The following RORA variants were observed in gnomAD, a reference collection of about 807,000 sequenced individuals.
RORA encodes RAR related orphan receptor A.
In RORA, 7 loss-of-function variants were observed where a neutral mutation model predicts 69.5. The ratio of observed to expected loss-of-function variants is 0.10; its 90% confidence interval spans 0.06 to 0.19. RORA has a LOEUF of 0.19. Ranked by LOEUF, RORA falls within the 10% of genes least tolerant of loss-of-function variation. RORA has a pLI of 1.00. For synonymous variants in RORA, 261 were observed against 240.8 expected, an observed-to-expected ratio of 1.08 and a Z score of -0.78; for missense variants, 457 against 663.0, an observed-to-expected ratio of 0.69 and a Z score of 3.41.
chr15:60,520,495 T>C (rs2066128261), intron 3 of RORA, among the ~76,000 whole-genome samples: 1 of 151,960 alleles, frequency 6.6e-6, no homozygotes, highest in Admixed American at 6.6e-5. Flanking sequence ...GGAAGAAGGA[T>C]TAGAAAGAGG....
intron 1 of RORA, among the ~76,000 whole-genome samples, chr15:60,843,645 A>G (rs1414823318): frequency 2.0e-5 from 3 of 152,072 alleles, no homozygotes; most frequent in Non-Finnish European, 4.4e-5. Flanking sequence ...TTCAAGATTC[A>G]CACTCTGACC....
chr15:61,095,353 CT>C lies in RORA; in HGVS notation c.166+133699del, dbSNP rs538675431. On this transcript the variant is annotated intron_variant, in intron 1 of 10. Coordinates refer to ENST00000335670, the MANE Select transcript of RORA (RefSeq NM_134261.3). ...AAAATATATTTTTTAAAATACCTAT[CT>C]TTTAAAAAAGACAATGCCTTTTAAA... Among the ~76,000 whole-genome samples, 410 of 152,186 alleles carry C rather than the reference CT, an allele frequency of 2.7e-3. 1 individual carries two copies. The highest frequency in any genetic ancestry group is 9.2e-3 in the African/African-American group (380 of 41,530).
intron 1 of RORA, among the ~76,000 whole-genome samples, chr15:60,752,366 C>A (rs964399936): frequency 6.6e-6 from 1 of 152,076 alleles, no homozygotes; most frequent in Non-Finnish European, 1.5e-5. Flanking sequence ...AGCGCAGGGA[C>A]GTGTGAAAGG....
In RORA at chr15:60,672,494, T is replaced by G; in HGVS notation, c.196+6163A>C. On this transcript the variant is annotated intron_variant, in intron 2 of 10. Transcript: ENST00000335670. ...GCAGTAAAGATAAATAAATGAACAC[T>G]TAGAAAGTGCTTAGAGAAGTGCCTA... Among the ~76,000 whole-genome samples the G allele has an allele frequency of 1.3e-5, 2 of 152,124 alleles. 1 individual carries two copies. Among genetic ancestry groups the G allele is most frequent in the Non-Finnish European group, 2.9e-5 (2 of 68,036 alleles).
Position 60,711,196 on chromosome 15 carries a change from G to C in RORA, c.167-32510C>G, listed in dbSNP as rs374773407. 2.0e-4 allele frequency among the ~76,000 whole-genome samples: 30 copies of C among 152,188 alleles called. No individual in the cohort carries two copies. In the East Asian group the frequency reaches 3.5e-3, roughly 18 times the overall value. On this transcript the variant is annotated intron_variant, in intron 1 of 10. Transcript: ENST00000335670. ...TTGAGTAACTCCCAACACAGTCTCC[G>C]TGCCCTCAAGGCTATGTGTATTTCT...
intron 1 of RORA, among the ~76,000 whole-genome samples, chr15:61,188,238 T>C: frequency 6.6e-6 from 1 of 152,104 alleles, no homozygotes; most frequent in East Asian, 1.9e-4. Flanking sequence ...GAATCGTCTT[T>C]GCGGGCCAAA....
intron 2 of RORA, among the ~76,000 whole-genome samples, chr15:60,674,289 A>G (rs765794192): frequency 9.2e-5 from 14 of 152,172 alleles, no homozygotes; most frequent in Non-Finnish European, 2.1e-4. Context: ...GTATGGCCTC[A>G]AGGATAGGAA....
Position 61,110,251 on chromosome 15 carries a change from C to T in RORA, c.166+118802G>A, listed in dbSNP as rs536257244. Among the ~76,000 whole-genome samples the T allele has an allele frequency of 5.3e-5, 8 of 152,184 alleles. No individual in the cohort carries two copies. The South Asian group carries it at 1.2e-3, about 24-fold the overall frequency. On this transcript the variant is annotated intron_variant, in intron 1 of 10. Coordinates refer to ENST00000335670, the MANE Select transcript of RORA (RefSeq NM_134261.3). ...CCTCTACTAAAAATACAAAAATTAG[C>T]GGGGCATGGTGGTGCACACCTGTAG...
At chr15:61,120,783 A>C (rs941966769) in intron 1 of RORA, among the ~76,000 whole-genome samples, 2 of 151,576 alleles carry the variant, frequency 1.3e-5, no homozygotes, top group African/African-American at 4.8e-5. Context: ...TCCACTATAT[A>C]CTACGGAGAA....
In RORA at chr15:60,778,054, A is replaced by G. The variant is rs147724361; in HGVS notation, c.167-99368T>C. Among the ~76,000 whole-genome samples, 5 of 152,314 alleles carry G rather than the reference A, an allele frequency of 3.3e-5. No individual in the cohort carries two copies. In the East Asian group the frequency reaches 9.7e-4, roughly 29 times the overall value. On this transcript the variant is annotated intron_variant, in intron 1 of 10. Transcript: ENST00000335670. ...TCAATTGACTTAAAACTCAAGCTAT[A>G]GCCTCCGGCAAGAAAAATGTAACAC...
chr15:60,593,023 C>T (rs1352166274), intron 2 of RORA: 4 of 445,974 alleles, frequency 9.0e-6, no homozygotes, highest in East Asian at 1.5e-4. Context: ...CTAGAGTGCC[C>T]CAGCTCTAAT....
intron 2 of RORA, among the ~76,000 whole-genome samples, chr15:60,660,433 A>G (rs2070286903): frequency 6.6e-6 from 1 of 152,248 alleles, no homozygotes; most frequent in Non-Finnish European, 1.5e-5. Context: ...GACAGACTTT[A>G]GCAGCTTTTA....
intron 3 of RORA, among the ~76,000 whole-genome samples, chr15:60,521,138 A>G (rs1193325869): frequency 6.6e-6 from 1 of 152,210 alleles, no homozygotes; most frequent in African/African-American, 2.4e-5. Context: ...ATATCAAACC[A>G]GAACTATATA....
Position 60,597,617 on chromosome 15 carries a change from TAC to T in RORA, c.197-65768_197-65767del, listed in dbSNP as rs1555436026. On this transcript the variant is annotated intron_variant, in intron 2 of 10. Transcript: ENST00000335670. ...ATACACATATATATATATATATATA[TAC>T]ATACATATATATACATATATATATA... Among the ~76,000 whole-genome samples, 295 of 43,222 alleles carry T rather than the reference TAC, an allele frequency of 6.8e-3. 4 individuals are homozygous for T. The highest frequency in any genetic ancestry group is 0.018 in the African/African-American group (145 of 8,052). 28.4% of individuals were successfully genotyped at this position (43,222 alleles called of 152,430 possible).
intron 2 of RORA, among the ~76,000 whole-genome samples, chr15:60,544,600 G>A (rs533174442): frequency 3.9e-5 from 6 of 152,122 alleles, no homozygotes; most frequent in South Asian, 2.1e-4. Context: ...ATGCTAATAC[G>A]CTGTTGATGT....
At chr15:60,763,332 T>C (rs959858167) in intron 1 of RORA, among the ~76,000 whole-genome samples, 9 of 152,136 alleles carry the variant, frequency 5.9e-5, no homozygotes, top group Non-Finnish European at 1.3e-4. Context: ...AACATGGTCT[T>C]GGGTTAACCG....
chr15:60,675,894 G>A (rs180900477), intron 2 of RORA, among the ~76,000 whole-genome samples: 7 of 152,188 alleles, frequency 4.6e-5, no homozygotes, highest in Middle Eastern at 3.4e-3. Context: ...CAATCTCTCC[G>A]TGAGGGCAGT....
intron 1 of RORA, among the ~76,000 whole-genome samples, chr15:60,842,643 C>T (rs1276145017): frequency 1.3e-5 from 2 of 152,118 alleles, no homozygotes; most frequent in East Asian, 3.9e-4. Context: ...GCTCTTGACC[C>T]CTTCACTGCC....
chr15:61,054,209 T>A (rs1337211878), intron 1 of RORA, among the ~76,000 whole-genome samples: 1 of 152,076 alleles, frequency 6.6e-6, no homozygotes, highest in African/African-American at 2.4e-5. Context: ...ATTGTTGCTT[T>A]TACATGTATG....
Sources: allele counts gnomAD v4.1 joint callset (sites outside exome capture counted in the v4.1 genomes callset), GRCh38; gene constraint gnomAD v4.1.1; transcripts MANE v1.5; gene names NCBI Gene and HGNC (gene_info 2026-07-23, HGNC 2026-07-21).